The following LMF1 variants were observed in gnomAD, a reference collection of about 807,000 sequenced individuals.
LMF1 encodes transmembrane protein 112.
A neutral mutation model predicts 60.6 loss-of-function variants in LMF1; 68 were observed. That is an observed-to-expected ratio of 1.12 (90% CI 0.92 to 1.37). The LOEUF is 1.37. LMF1 is among the 40% of genes most tolerant of loss of function. The probability of loss-of-function intolerance (pLI) is 0.00; values close to 1 mark genes in which losing one functional copy is unlikely to be tolerated. For missense variants in LMF1, 948 were observed against 767.2 expected (o/e 1.24, Z -2.78); for synonymous variants, 418 against 324.7 (o/e 1.29, Z -3.09).
At chr16:977,150 G>C (rs1339361780) in intron 1 of LMF1, 1 of 452,810 alleles carries the variant, frequency 2.2e-6, no homozygotes, top group Non-Finnish European at 4.4e-6. Flanking sequence ...GTGAGCGCCA[G>C]GAAGCTTAAG....
rs1284467241 is a variant in LMF1, at chr16:954,296, C to T, written c.503+61G>A. 3.3e-6 allele frequency: 5 copies of T among 1,494,910 alleles called. No homozygotes were observed. In the Admixed American group the frequency reaches 5.3e-5, roughly 16 times the overall value. The allele number at this position is 1,494,910 out of a possible 1,614,324, so 92.6% of individuals were successfully genotyped here. On this transcript the variant is annotated intron_variant, in intron 2 of 10. Coordinates refer to ENST00000262301, the MANE Select transcript of LMF1 (RefSeq NM_022773.4). ...GTCTTTCCAAGTGCCAGGACACCTGCAGTGCCTGTGCTGAGTGACAGCAAG... is the reference window on the plus strand; with the variant it reads ...GTCTTTCCAAGTGCCAGGACACCTGTAGTGCCTGTGCTGAGTGACAGCAAG...
intron 1 of LMF1, among the ~76,000 whole-genome samples, chr16:965,764 G>A (rs60645782): frequency 6.6e-5 from 10 of 152,306 alleles, no homozygotes; most frequent in Middle Eastern, 6.8e-3. Context: ...CTGCTGGGCC[G>A]CACCTCGGGG....
chr16:914,698 C>G (rs1596983849), intron 3 of LMF1, among the ~76,000 whole-genome samples: 2 of 86,322 alleles, frequency 2.3e-5, no homozygotes, highest in Admixed American at 1.5e-4. Flanking sequence ...ATTGGTGACA[C>G]ACTCCCTCCC....
chr16:856,053 C>A, intron 10 of LMF1: 1 of 433,954 alleles, frequency 2.3e-6, no homozygotes, highest in Non-Finnish European at 4.6e-6. Flanking sequence ...GTCCCTGAGG[C>A]GCCTGATGGG....
At chr16:869,500 T>C (rs1387242917) in intron 9 of LMF1, 1 of 545,508 alleles carries the variant, frequency 1.8e-6, no homozygotes, top group Non-Finnish European at 3.5e-6. Flanking sequence ...GCTGCCATCA[T>C]TTGAGGCTGC....
chr16:856,683 G>A (rs1006163165), intron 10 of LMF1, among the ~76,000 whole-genome samples: 1 of 152,238 alleles, frequency 6.6e-6, no homozygotes, highest in Non-Finnish European at 1.5e-5. Flanking sequence ...AGAACCCTCT[G>A]TGCCAACTGG....
At chr16:918,923 C>T (rs1425351686) in intron 3 of LMF1, among the ~76,000 whole-genome samples, 3 of 152,156 alleles carry the variant, frequency 2.0e-5, no homozygotes, top group African/African-American at 7.2e-5. Flanking sequence ...GGCGCCTGCT[C>T]AGAGACACCT....
Position 874,846 on chromosome 16 carries a change from C to T in LMF1, c.898-3505G>A, listed in dbSNP as rs144058994. Among the ~76,000 whole-genome samples, 1 of 152,138 alleles carries T rather than the reference C, an allele frequency of 6.6e-6. No homozygotes were observed. Among genetic ancestry groups the T allele is most frequent in the African/African-American group, 2.4e-5 (1 of 41,436 alleles). On this transcript the variant is annotated intron_variant, in intron 6 of 10. Coordinates refer to ENST00000262301, the MANE Select transcript of LMF1 (RefSeq NM_022773.4). This position sits in a 1 kb window ranked among gnomAD's most constrained non-coding sequence, Gnocchi z 4.1. Reference sequence around the variant, plus strand: ...GCACAGGGGAGTACGCAGCCCCAGCCAGGACACTACAATGTTAGAGGGCGC... The same window carrying T: ...GCACAGGGGAGTACGCAGCCCCAGCTAGGACACTACAATGTTAGAGGGCGC...
rs1567326897 is a variant in LMF1, at chr16:960,371, TCACGGTGACAGCACG to T, written c.194-5720_194-5706del. Among the ~76,000 whole-genome samples the T allele has an allele frequency of 2.8e-4, 38 of 136,204 alleles. 5 individuals carry two copies. The highest frequency in any genetic ancestry group is 1.6e-3 in the South Asian group (7 of 4,300). The allele number at this position is 136,204 out of a possible 152,430, so 89.4% of individuals were successfully genotyped here. On this transcript the variant is annotated intron_variant, in intron 1 of 10. Coordinates refer to ENST00000262301, the MANE Select transcript of LMF1 (RefSeq NM_022773.4). ...ACGGGATCACGACCCAGACACAGAC[TCACGGTGACAGCACG>T]GGATCACGACCCAGACACAGACTCA...
chr16:940,848 T>C (rs1032078566), intron 2 of LMF1, among the ~76,000 whole-genome samples: 1 of 152,208 alleles, frequency 6.6e-6, no homozygotes, highest in African/African-American at 2.4e-5. Context: ...ATGTCTTCTT[T>C]TTTTTGTTTG....
In LMF1 at chr16:869,138, C is replaced by T. The variant is rs1029709238; in HGVS notation, c.1417-82G>A. ...CCTCCGGACGCTCGGCTGTGCCCTCCACTCCCTCCTGAGGCTTTCCTGGAG... is the reference window on the plus strand; with the variant it reads ...CCTCCGGACGCTCGGCTGTGCCCTCTACTCCCTCCTGAGGCTTTCCTGGAG... On this transcript the variant is annotated intron_variant, in intron 9 of 10. Transcript: ENST00000262301. 7.6e-6 allele frequency: 7 copies of T among 915,156 alleles called. No individual in the cohort carries two copies. The African/African-American group carries it at 8.1e-5, about 11-fold the overall frequency. The allele number at this position is 915,156 out of a possible 1,614,324, so 56.7% of individuals were successfully genotyped here.
At chr16:945,574 T>C (rs1231121361) in intron 2 of LMF1, among the ~76,000 whole-genome samples, 1 of 151,690 alleles carries the variant, frequency 6.6e-6, no homozygotes, top group Non-Finnish European at 1.5e-5. Context: ...AGTTAAAAAA[T>C]TTAAAAAAGA....
chr16:938,189 G>A (rs2071997779), intron 2 of LMF1, among the ~76,000 whole-genome samples: 1 of 152,234 alleles, frequency 6.6e-6, no homozygotes, highest in African/African-American at 2.4e-5. Flanking sequence ...AGCTAGCACT[G>A]GCAAGGCCGG....
chr16:957,207 T>C (rs2072724948), intron 1 of LMF1, among the ~76,000 whole-genome samples: 1 of 152,162 alleles, frequency 6.6e-6, no homozygotes, highest in African/African-American at 2.4e-5. Flanking sequence ...AGATATTGCA[T>C]AATGATAACA....
rs766082325 is a variant in LMF1 at position 910,932 on chromosome 16, G to A, written c.662C>T (p.Ala221Val). ...RWLIFRIMLG[A>V]GLIKIRGDRC... ...ACCACGCAGAAGAGCTCCACTTACT[G>A]CTCCAAGCATGATCCTGAAGATCAG... is the stretch of plus-strand genomic sequence containing the variant. Residue 221 changes from alanine to valine, a missense_variant and splice_region_variant, in exon 4 of 11, where the codon GCA becomes GTA. Coordinates refer to ENST00000262301, the MANE Select transcript of LMF1 (RefSeq NM_022773.4). 3 of 1,612,772 alleles carry A rather than the reference G, an allele frequency of 1.9e-6. No homozygotes were observed. The highest frequency in any genetic ancestry group is 1.7e-6 in the Non-Finnish European group (2 of 1,179,838).
chr16:881,119 G>A (rs924601169), intron 5 of LMF1, among the ~76,000 whole-genome samples: 1 of 152,202 alleles, frequency 6.6e-6, no homozygotes, highest in East Asian at 1.9e-4. Flanking sequence ...GGCAGAAAGC[G>A]CACATAGGGG....
chr16:864,662 CTTT>C (rs386364714), intron 10 of LMF1, among the ~76,000 whole-genome samples: 11 of 141,934 alleles, frequency 7.8e-5, no homozygotes, highest in Admixed American at 1.4e-4. Context: ...AAGTTACTAT[CTTT>C]TTTTTTTTTT....
intron 1 of LMF1, chr16:980,414 C>A (rs12443534): frequency 0.058 from 8,884 of 152,646 alleles, 270 homozygotes; most frequent in Non-Finnish European, 0.065. Flanking sequence ...CAGCACGACC[C>A]CCGACTTTGC....
chr16:917,599 C>T (rs2071317878), intron 3 of LMF1, among the ~76,000 whole-genome samples: 1 of 152,220 alleles, frequency 6.6e-6, no homozygotes, highest in Non-Finnish European at 1.5e-5. Flanking sequence ...AGGGGCTTGT[C>T]CAGGCCCGCT....
Sources: allele counts gnomAD v4.1 joint callset (sites outside exome capture counted in the v4.1 genomes callset), GRCh38; gene constraint gnomAD v4.1.1; non-coding constraint Gnocchi (gnomAD v3.1); transcripts MANE v1.5; gene names NCBI Gene and HGNC (gene_info 2026-07-23, HGNC 2026-07-21).